Variants in IL20RB observed in about 807,000 individuals in gnomAD.
The protein encoded by IL20RB is interleukin 20 receptor subunit beta.
A neutral mutation model predicts 33.3 loss-of-function variants in IL20RB; 21 were observed. That is an observed-to-expected ratio of 0.63 (90% confidence interval 0.45 to 0.91). The LOEUF (loss-of-function observed/expected upper bound fraction) is 0.91. Among genes scored for constraint, IL20RB ranks in the 40% least tolerant of loss-of-function variants. IL20RB has a pLI of 0.00. For synonymous variants in IL20RB, 147 were observed against 146.8 expected (o/e 1.00, Z -0.01); for missense variants, 345 against 384.8 (o/e 0.90, Z 0.86).
At chr3:136,972,212 G>A (rs1267661269) in intron 1 of IL20RB, among the ~76,000 whole-genome samples, 1 of 152,050 alleles carries the variant, frequency 6.6e-6, no homozygotes, top group Non-Finnish European at 1.5e-5. Context: ...TGAGTTTTTT[G>A]TATATTCTGG....
chr3:136,983,251 C>A (rs1941825346), intron 3 of IL20RB, among the ~76,000 whole-genome samples: 1 of 152,096 alleles, frequency 6.6e-6, no homozygotes, highest in Non-Finnish European at 1.5e-5. Flanking sequence ...CCATGCCTGG[C>A]TAATTTTTGT....
chr3:136,995,410 C>T lies in IL20RB; in HGVS notation c.683-4C>T. The T allele has an allele frequency of 6.2e-7, 1 of 1,613,686 alleles. No homozygotes were observed. The highest frequency in any genetic ancestry group is 1.7e-5 in the Admixed American group (1 of 59,962). On this transcript the variant is annotated splice_polypyrimidine_tract_variant and splice_region_variant and intron_variant, in intron 5 of 6. Coordinates refer to ENST00000329582, the MANE Select transcript of IL20RB (RefSeq NM_144717.4). ...CTAAGCCTGTTTTTATCTTTTGTTT[C>T]CAGGAGAGGCCATTCCCCTGGTACT...
intron 1 of IL20RB, chr3:136,959,192 C>G (rs1941129475): frequency 6.6e-6 from 1 of 152,202 alleles, no homozygotes; most frequent in Admixed American, 6.5e-5. Flanking sequence ...TTATTTAACC[C>G]TATTTCTCAC....
At chr3:137,009,728 G>A (rs1304787318) in intron 6 of IL20RB, among the ~76,000 whole-genome samples, 2 of 152,016 alleles carry the variant, frequency 1.3e-5, no homozygotes, top group Non-Finnish European at 2.9e-5. Context: ...TGGAGAGGGA[G>A]CCTTGCTATG....
intron 1 of IL20RB, among the ~76,000 whole-genome samples, chr3:136,972,300 G>A (rs191771842): frequency 1.6e-4 from 24 of 152,272 alleles, no homozygotes; most frequent in Admixed American, 1.5e-3. Flanking sequence ...TCAGCTGATT[G>A]TTTCCTTTGC....
At chr3:136,996,676 T>C (rs987939313) in intron 6 of IL20RB, among the ~76,000 whole-genome samples, 1 of 152,218 alleles carries the variant, frequency 6.6e-6, no homozygotes, top group Non-Finnish European at 1.5e-5. Flanking sequence ...GTCATAACGA[T>C]GTTAGCTGAT....
At chr3:136,974,046 C>G (rs1941556494) in intron 1 of IL20RB, among the ~76,000 whole-genome samples, 1 of 151,882 alleles carries the variant, frequency 6.6e-6, no homozygotes, top group Non-Finnish European at 1.5e-5. Flanking sequence ...AGAATTTAAT[C>G]CACTTATATT....
At chr3:136,972,951 T>C (rs1941524730) in intron 1 of IL20RB, among the ~76,000 whole-genome samples, 1 of 152,144 alleles carries the variant, frequency 6.6e-6, no homozygotes, top group Non-Finnish European at 1.5e-5. Context: ...TCCCTCTTAT[T>C]ACTGCTTTTG....
At chr3:136,981,550 G>A (rs1941775386) in intron 2 of IL20RB, among the ~76,000 whole-genome samples, 1 of 152,162 alleles carries the variant, frequency 6.6e-6, no homozygotes, top group Non-Finnish European at 1.5e-5. Flanking sequence ...CTCTGAGGAG[G>A]TGATATTTAT....
chr3:136,983,618 G>T (rs939391129), intron 3 of IL20RB, among the ~76,000 whole-genome samples: 16 of 152,212 alleles, frequency 1.1e-4, no homozygotes, highest in Non-Finnish European at 2.4e-4. Flanking sequence ...GAGAGATAAT[G>T]ATAGTATTCA....
intron 3 of IL20RB, among the ~76,000 whole-genome samples, chr3:136,984,582 G>A (rs1435588450): frequency 6.6e-6 from 1 of 151,904 alleles, no homozygotes; most frequent in African/African-American, 2.4e-5. Flanking sequence ...AAAATTTACT[G>A]AGGAATGTAT....
intron 6 of IL20RB, among the ~76,000 whole-genome samples, chr3:137,002,769 G>T (rs553478294): frequency 1.3e-5 from 2 of 152,040 alleles, no homozygotes; most frequent in East Asian, 3.9e-4. Context: ...AGCTCTTTAG[G>T]TTAATTATAT....
intron 6 of IL20RB, among the ~76,000 whole-genome samples, chr3:137,008,078 G>A (rs1383598338): frequency 6.6e-6 from 1 of 152,116 alleles, no homozygotes. Context: ...GGTGCTGAAG[G>A]GTCTCAGTTT....
chr3:136,961,853 C>G (rs1941225262), intron 1 of IL20RB, among the ~76,000 whole-genome samples: 1 of 151,900 alleles, frequency 6.6e-6, no homozygotes, highest in Non-Finnish European at 1.5e-5. Context: ...TAAAATTATT[C>G]CAAAAATTTA....
chr3:137,010,385 G>T lies in IL20RB; in HGVS notation c.*162G>T. The T allele has an allele frequency of 1.7e-6, 1 of 576,736 alleles. No individual in the cohort carries two copies. Among genetic ancestry groups the T allele is most frequent in the Non-Finnish European group, 3.2e-6 (1 of 316,434 alleles). The allele number at this position is 576,736 out of a possible 1,614,324, so 35.7% of individuals were successfully genotyped here. Reference sequence around the variant, plus strand: ...AGAAGCAACCATCAGAGGCAGGGTGGTTTGTCTAACAGAACACTGACTGAG... The same window carrying T: ...AGAAGCAACCATCAGAGGCAGGGTGTTTTGTCTAACAGAACACTGACTGAG... On this transcript the variant is annotated 3_prime_UTR_variant, in exon 7 of 7. Transcript: ENST00000329582.
intron 4 of IL20RB, among the ~76,000 whole-genome samples, chr3:136,991,241 A>G (rs1942025259): frequency 6.6e-6 from 1 of 152,228 alleles, no homozygotes; most frequent in Non-Finnish European, 1.5e-5. Flanking sequence ...ACCCTATCAG[A>G]GAAGCCTTCT....
At chr3:136,983,202 C>T (rs557900935) in intron 3 of IL20RB, among the ~76,000 whole-genome samples, 54 of 152,286 alleles carry the variant, frequency 3.5e-4, no homozygotes, top group African/African-American at 1.1e-3. Flanking sequence ...ATTCTCCTGC[C>T]TCAGCCTCCT....
At position 136,995,436 on chromosome 3, in the gene IL20RB, G is replaced by C. The variant is rs1942106504; in HGVS notation, c.705G>C (p.Leu235=). 1 of 1,614,132 alleles carries C rather than the reference G, an allele frequency of 6.2e-7. No homozygotes were observed. The highest frequency in any genetic ancestry group is 1.1e-5 in the South Asian group (1 of 91,064). ...CAGGAGAGGCCATTCCCCTGGTACT[G>C]GCCCTGTTTGCCTTTGTTGGCTTCA... ...EVQGEAIPLV[L]ALFAFVGFML... Residue 235 remains leucine, a synonymous_variant, in exon 6 of 7, where the codon CTG becomes CTC. Transcript: ENST00000329582.
intron 4 of IL20RB, among the ~76,000 whole-genome samples, chr3:136,990,285 A>T (rs890454918): frequency 6.6e-6 from 1 of 152,106 alleles, no homozygotes; most frequent in African/African-American, 2.4e-5. Context: ...ACAAGCAAAG[A>T]TAGGCTTTAT....
Sources: allele counts gnomAD v4.1 joint callset (sites outside exome capture counted in the v4.1 genomes callset), GRCh38; gene constraint gnomAD v4.1.1; transcripts MANE v1.5; gene names NCBI Gene and HGNC (gene_info 2026-07-23, HGNC 2026-07-21).